The following PTPRM variants were observed in gnomAD, a reference collection of about 807,000 sequenced individuals.
The protein encoded by PTPRM is protein tyrosine phosphatase receptor type M.
Under a neutral mutation model 186.7 loss-of-function variants are expected in PTPRM, and 47 were observed. That is an observed-to-expected ratio of 0.25 (90% CI 0.20 to 0.32). PTPRM has a LOEUF of 0.32. Among genes scored for constraint, PTPRM ranks in the 10% least tolerant of loss-of-function variants. The pLI is 1.00. For synonymous variants in PTPRM, 668 were observed against 674.9 expected (o/e 0.99, Z 0.16); for missense variants, 1,494 against 1,865.0 (o/e 0.80, Z 3.66).
chr18:7,845,286 A>G (rs1233138790), intron 2 of PTPRM, among the ~76,000 whole-genome samples: 2 of 152,178 alleles, frequency 1.3e-5, no homozygotes, highest in African/African-American at 4.8e-5. Flanking sequence ...TGTGTTCAAA[A>G]TTGTTGCATT....
At chr18:7,848,699 G>T (rs1357113325) in intron 2 of PTPRM, among the ~76,000 whole-genome samples, 1 of 152,078 alleles carries the variant, frequency 6.6e-6, no homozygotes, top group Non-Finnish European at 1.5e-5. Context: ...AGAGTTTAAG[G>T]CTGTAGTAAA....
intron 3 of PTPRM, among the ~76,000 whole-genome samples, chr18:7,891,000 G>A (rs746472425): frequency 6.6e-6 from 1 of 152,044 alleles, no homozygotes; most frequent in Admixed American, 6.5e-5. Context: ...ATCTTGGCAG[G>A]GCACAGCGGC....
intron 14 of PTPRM, among the ~76,000 whole-genome samples, chr18:8,160,394 G>A (rs546193942): frequency 2.6e-5 from 4 of 152,144 alleles, no homozygotes; most frequent in South Asian, 2.1e-4. Flanking sequence ...GTGATCCCCC[G>A]TCTCAACCTC....
intron 1 of PTPRM, among the ~76,000 whole-genome samples, chr18:7,764,510 T>A (rs1370030844): frequency 6.6e-6 from 1 of 152,212 alleles, no homozygotes; most frequent in Non-Finnish European, 1.5e-5. Context: ...TTCATGGGGC[T>A]GTTCCCAGAA....
chr18:7,932,549 G>A (rs1348680202), intron 5 of PTPRM, among the ~76,000 whole-genome samples: 1 of 151,862 alleles, frequency 6.6e-6, no homozygotes, highest in African/African-American at 2.4e-5. Context: ...TTATACTTAC[G>A]TATAAGTATT....
intron 1 of PTPRM, among the ~76,000 whole-genome samples, chr18:7,682,833 G>T (rs1369175938): frequency 6.6e-6 from 1 of 152,084 alleles, no homozygotes; most frequent in Admixed American, 6.5e-5. Context: ...TCTGTCTTGG[G>T]CATTGGGGGG....
chr18:8,405,188 G>C (rs1012842367), intron 32 of PTPRM: 14 of 151,384 alleles, frequency 9.2e-5, no homozygotes, highest in African/African-American at 3.4e-4. Context: ...AAAAAAGAAA[G>C]GAGGGAGAAA....
chr18:7,939,831 G>A (rs943483052), intron 5 of PTPRM, among the ~76,000 whole-genome samples: 3 of 152,144 alleles, frequency 2.0e-5, no homozygotes, highest in Non-Finnish European at 2.9e-5. Flanking sequence ...CTTCTGTCAC[G>A]CTATTAAGAA....
intron 3 of PTPRM, among the ~76,000 whole-genome samples, chr18:7,891,752 G>A (rs549650730): frequency 1.1e-4 from 16 of 152,162 alleles, no homozygotes; most frequent in South Asian, 1.0e-3. Context: ...GTGCGTGCCC[G>A]TAGTCCCAGC....
intron 1 of PTPRM, among the ~76,000 whole-genome samples, chr18:7,658,359 T>TATATATATATATATATATATATACAC (rs1491198247): frequency 7.3e-6 from 1 of 136,664 alleles, no homozygotes; most frequent in African/African-American, 2.9e-5. Flanking sequence ...TATATATATA[T>TATATATATATATATATATATATACAC]ACATACACAC....
chr18:7,921,678 C>T (rs1210581654), intron 4 of PTPRM, among the ~76,000 whole-genome samples: 5 of 152,142 alleles, frequency 3.3e-5, no homozygotes, highest in African/African-American at 1.2e-4. Flanking sequence ...CCGCACCCGG[C>T]CTCTAATGAA....
chr18:7,650,443 ATC>A (rs1491559035), intron 1 of PTPRM, among the ~76,000 whole-genome samples: 3 of 105,010 alleles, frequency 2.9e-5, no homozygotes, highest in Admixed American at 9.0e-5. Context: ...CAACTTTCAA[ATC>A]CCCCCCCCCC....
intron 5 of PTPRM, among the ~76,000 whole-genome samples, chr18:7,934,625 G>A (rs7234961): frequency 0.17 from 25,274 of 152,142 alleles, 2,804 homozygotes; most frequent in African/African-American, 0.32. Context: ...AGTAATTGCA[G>A]CTACATTTAC....
At chr18:7,631,550 G>C (rs1421127323) in intron 1 of PTPRM, among the ~76,000 whole-genome samples, 1 of 150,812 alleles carries the variant, frequency 6.6e-6, no homozygotes, top group African/African-American at 2.4e-5. Context: ...ATAGATAATT[G>C]TCTAGAGCAA....
intron 5 of PTPRM, among the ~76,000 whole-genome samples, chr18:7,944,530 ACTT>A (rs1480930594): frequency 6.6e-6 from 1 of 152,104 alleles, no homozygotes; most frequent in African/African-American, 2.4e-5. Flanking sequence ...AACATGTCAT[ACTT>A]CTTGTTGCAG....
intron 2 of PTPRM, among the ~76,000 whole-genome samples, chr18:7,800,199 A>G (rs763894023): frequency 2.0e-5 from 3 of 152,188 alleles, no homozygotes; most frequent in South Asian, 2.1e-4. Flanking sequence ...TAGCCAGGTG[A>G]GCGCCAAAGC....
chr18:8,303,603 A>G (rs930887680), intron 20 of PTPRM, among the ~76,000 whole-genome samples: 6 of 152,186 alleles, frequency 3.9e-5, no homozygotes, highest in African/African-American at 1.4e-4. Flanking sequence ...TTAGGAAGGC[A>G]TAGGGTAGAA....
intron 1 of PTPRM, among the ~76,000 whole-genome samples, chr18:7,761,472 AT>A (rs2041769363): frequency 6.6e-6 from 1 of 152,188 alleles, no homozygotes; most frequent in Admixed American, 6.5e-5. Context: ...TTGTTGACTT[AT>A]GCTGAGGTCT....
At chr18:7,977,660 G>A (rs2055045913) in intron 7 of PTPRM, among the ~76,000 whole-genome samples, 2 of 152,170 alleles carry the variant, frequency 1.3e-5, no homozygotes, top group African/African-American at 2.4e-5. Context: ...CTTTAGCTGT[G>A]ATACAAACTG....
Sources: gnomAD v4.1 joint callset for allele counts (sites outside exome capture counted in the v4.1 genomes callset) on GRCh38, gnomAD v4.1.1 for gene constraint, MANE v1.5 for transcripts, NCBI Gene and HGNC (gene_info 2026-07-23, HGNC 2026-07-21) for gene names.